Variants in FBN2 observed in about 807,000 individuals in gnomAD.
The protein encoded by FBN2 is fibrillin-2.
FBN2 carries 105 observed loss-of-function variants against 355.6 expected under a neutral mutation model. The observed-to-expected ratio is 0.30, with a 90% CI of 0.25 to 0.35. The LOEUF (loss-of-function observed/expected upper bound fraction) is 0.35, where lower values mean the gene tolerates loss of function less well. FBN2 is among the 10% of genes least tolerant of loss of function. The pLI is 1.00. For missense variants in FBN2, 3,280 were observed against 3,758.7 expected, an observed-to-expected ratio of 0.87 and a Z score of 3.33; for synonymous variants, 1,350 against 1,301.2, an observed-to-expected ratio of 1.04 and a Z score of -0.81.
chr5:128,378,314 G>A (rs1752140478), intron 12 of FBN2, among the ~76,000 whole-genome samples: 1 of 152,136 alleles, frequency 6.6e-6, no homozygotes, highest in African/African-American at 2.4e-5. Context: ...AAAGAAGACA[G>A]GCAGTCATCT....
chr5:128,305,987 G>A, intron 42 of FBN2, 39 bp from the exon 43 acceptor site: 1 of 1,581,994 alleles, frequency 6.3e-7, no homozygotes, highest in Middle Eastern at 1.7e-4. Flanking sequence ...ATGTTGTTCT[G>A]TTTAATATAC....
At position 128,339,220 on chromosome 5, in the gene FBN2, C is replaced by A. The variant is rs1375710481; in HGVS notation, c.3344-159G>T. The A allele has an allele frequency of 8.7e-6, 6 of 686,786 alleles. No individual in the cohort carries two copies. In the East Asian group the frequency reaches 1.7e-4, roughly 19 times the overall value. 42.5% of individuals were successfully genotyped at this position (686,786 alleles called of 1,614,324 possible). On this transcript the variant is annotated intron_variant, in intron 25 of 64. Coordinates refer to ENST00000262464, the MANE Select transcript of FBN2 (RefSeq NM_001999.4). ...AGATAGAAGGGCCTGGGACCTGAGG[C>A]ACATTCCTTTCCCCAACTGCCAAAA...
Position 128,263,572 on chromosome 5 carries a change from G to C in FBN2, c.8045C>G (p.Ser2682Trp), listed in dbSNP as rs370250073. 6.2e-7 allele frequency: 1 copy of C among 1,614,104 alleles called. No individual in the cohort carries two copies. The highest frequency in any genetic ancestry group is 2.2e-5 in the East Asian group (1 of 44,872). ...TLGSYKCACP[S>W]GFSFDQFSSA... is the part of the protein sequence containing the mutation. ...GGAGAACTGGTCGAAGGAGAACCCC[G>C]AGGGGCAGGCGCACTTGTAACTCCC... Residue 2682 changes from serine (S) to tryptophan (W), a missense_variant, in exon 63 of 65, where the codon TCG becomes TGG. Coordinates refer to ENST00000262464, the MANE Select transcript of FBN2 (RefSeq NM_001999.4).
At chr5:128,339,346 G>A (rs1179999340) in intron 25 of FBN2, among the ~76,000 whole-genome samples, 3 of 152,144 alleles carry the variant, frequency 2.0e-5, no homozygotes, top group Non-Finnish European at 2.9e-5. Context: ...AGGGGGGCAT[G>A]GTGACTCATG....
chr5:128,278,840 G>A lies in FBN2; in HGVS notation c.7140C>T (p.Asp2380=), dbSNP rs1765463201. Residue 2380 remains aspartate, a splice_region_variant and synonymous_variant, in exon 57 of 65, where the codon GAC becomes GAT. Coordinates refer to ENST00000262464, the MANE Select transcript of FBN2 (RefSeq NM_001999.4). ...CTGCAAAGCAGAGACCCTGTCGATTGTCTGAAATGGCAAAGTAGAAAGAGT... is the reference window on the plus strand; with the variant it reads ...CTGCAAAGCAGAGACCCTGTCGATTATCTGAAATGGCAAAGTAGAAAGAGT... ...QSSSSGTECL[D]NRQGLCFAEV... The A allele has an allele frequency of 6.2e-7, 1 of 1,612,522 alleles. No homozygotes were observed. Among genetic ancestry groups the A allele is most frequent in the Non-Finnish European group, 8.5e-7 (1 of 1,179,260 alleles).
At chr5:128,289,628 G>C (rs1048991415) in intron 51 of FBN2, among the ~76,000 whole-genome samples, 2 of 151,902 alleles carry the variant, frequency 1.3e-5, no homozygotes, top group African/African-American at 4.8e-5. Context: ...AAAAAGATAT[G>C]CCAGTACTGT....
Position 128,411,399 on chromosome 5 carries a change from T to C in FBN2, c.953-2600A>G, listed in dbSNP as rs527477335. ...AGGATGGTGTATGCAGAGGATTTTATTGAGCGATGGAAGTGGCTTTCAGTG... is the reference window on the plus strand; with the variant it reads ...AGGATGGTGTATGCAGAGGATTTTACTGAGCGATGGAAGTGGCTTTCAGTG... On this transcript the variant is annotated intron_variant, in intron 7 of 64. Transcript: ENST00000262464. 3.9e-5 allele frequency among the ~76,000 whole-genome samples: 6 copies of C among 152,292 alleles called. No individual in the cohort carries two copies. The South Asian group carries it at 1.2e-3, about 32-fold the overall frequency.
At chr5:128,511,477 C>A (rs907384351) in intron 5 of FBN2, among the ~76,000 whole-genome samples, 2 of 152,178 alleles carry the variant, frequency 1.3e-5, no homozygotes, top group African/African-American at 4.8e-5. Context: ...TATCTCTATA[C>A]TTATTTTCAT....
At position 128,338,028 on chromosome 5, in the gene FBN2, G is replaced by C; in HGVS notation, c.3567C>G (p.His1189Gln). Residue 1189 changes from histidine to glutamine, a missense_variant, in exon 27 of 65, where the codon CAC (histidine) becomes CAG (glutamine). His to Gln is a conservative substitution (Grantham distance 24). Around this residue, in one of 6 missense-constraint regions of FBN2, gnomAD observed 2,284 missense variants for 2,749.5 expected, o/e 0.83. Transcript: ENST00000262464. Reference sequence around the variant, plus strand: ...AGTCCTCACGGGATGGTGACAGCTCGTGTCCCAGTGGGCAGTCACACTGAA... The same window carrying C: ...AGTCCTCACGGGATGGTGACAGCTCCTGTCCCAGTGGGCAGTCACACTGAA... ...GSFQCDCPLG[H>Q]ELSPSREDCV... 1.9e-6 allele frequency: 3 copies of C among 1,614,108 alleles called. No homozygotes were observed. The highest frequency in any genetic ancestry group is 2.2e-5 in the East Asian group (1 of 44,884).
intron 7 of FBN2, among the ~76,000 whole-genome samples, chr5:128,415,142 A>G (rs1753162572): frequency 6.6e-6 from 1 of 152,196 alleles, no homozygotes; most frequent in South Asian, 2.1e-4. Flanking sequence ...CAGAATGTGT[A>G]ATGATCAAGT....
chr5:128,282,615 A>T (rs1448847552), intron 55 of FBN2, among the ~76,000 whole-genome samples: 1 of 152,136 alleles, frequency 6.6e-6, no homozygotes, highest in Non-Finnish European at 1.5e-5. Flanking sequence ...ACATTGGCAT[A>T]AAGAATTACT....
At position 128,259,849 on chromosome 5, in the gene FBN2, T is replaced by C. The variant is rs1228952568; in HGVS notation, c.8365-20A>G. 2.5e-6 allele frequency: 4 copies of C among 1,612,482 alleles called. No individual in the cohort carries two copies. In the African/African-American group the frequency reaches 5.4e-5, roughly 22 times the overall value. On this transcript the variant is annotated intron_variant, in intron 64 of 64. Coordinates refer to ENST00000262464, the MANE Select transcript of FBN2 (RefSeq NM_001999.4). Reference sequence around the variant, plus strand: ...TTCAACCTGGAGGAAGAACAGGAAATGATTTGGGACAAGCTTCTACAGCAC... The same window carrying C: ...TTCAACCTGGAGGAAGAACAGGAAACGATTTGGGACAAGCTTCTACAGCAC...
intron 5 of FBN2, among the ~76,000 whole-genome samples, chr5:128,487,314 C>G (rs1422117822): frequency 1.3e-5 from 2 of 152,126 alleles, no homozygotes; most frequent in Non-Finnish European, 2.9e-5. Flanking sequence ...GTAAGATGAA[C>G]TGAAATTAAC....
chr5:128,387,056 G>A (rs1254722779), intron 11 of FBN2, among the ~76,000 whole-genome samples: 1 of 152,084 alleles, frequency 6.6e-6, no homozygotes, highest in African/African-American at 2.4e-5. Flanking sequence ...ATTTGTCTGT[G>A]AATCCTTCTG....
chr5:128,269,085 A>T (rs994703163), intron 62 of FBN2, among the ~76,000 whole-genome samples: 2 of 151,928 alleles, frequency 1.3e-5, no homozygotes, highest in African/African-American at 4.8e-5. Flanking sequence ...GTCAAATTTT[A>T]TCTGTTTGCA....
chr5:128,289,033 TC>T (rs903847422), intron 52 of FBN2, 93 bp downstream of exon 52: 8 of 1,302,860 alleles, frequency 6.1e-6, no homozygotes, highest in African/African-American at 4.4e-5. Flanking sequence ...GATTTGTAAA[TC>T]CCCCCATCAC....
Position 128,272,186 on chromosome 5 carries a change from C to T in FBN2, c.7841-68G>A, listed in dbSNP as rs186803823. The T allele has an allele frequency of 1.8e-4, 279 of 1,571,964 alleles. 1 individual carries two copies. The East Asian group carries it at 3.9e-3, about 22-fold the overall frequency. ...CTACTATTTTTAAATGCACTCCAAA[C>T]GAAACCTGGGGTAACTGTTATCATG... is the stretch of plus-strand genomic sequence containing the variant. On this transcript the variant is annotated intron_variant, in intron 61 of 64. Coordinates refer to ENST00000262464, the MANE Select transcript of FBN2 (RefSeq NM_001999.4).
intron 41 of FBN2, among the ~76,000 whole-genome samples, chr5:128,308,224 C>T (rs1019612944): frequency 4.6e-5 from 7 of 152,122 alleles, no homozygotes; most frequent in Admixed American, 1.3e-4. Context: ...CCAAGCCTTT[C>T]GCTTCTTCTC....
intron 13 of FBN2, 115 bp from the exon 14 acceptor site, chr5:128,376,968 G>A (rs746709412): frequency 7.6e-5 from 100 of 1,318,882 alleles, no homozygotes; most frequent in South Asian, 1.5e-4. Context: ...TGTGCTCATG[G>A]CTTTTAGTTT....
Sources: allele counts gnomAD v4.1 joint callset (sites outside exome capture counted in the v4.1 genomes callset), GRCh38; gene constraint gnomAD v4.1.1; regional missense constraint gnomAD v4.1.1; transcripts MANE v1.5; gene names NCBI Gene and HGNC (gene_info 2026-07-23, HGNC 2026-07-21).